Variants in SCCPDH observed in about 807,000 individuals in gnomAD.
SCCPDH encodes the protein saccharopine dehydrogenase-like oxidoreductase.
In SCCPDH, 34 loss-of-function variants were observed where a neutral mutation model predicts 51.5. That is an observed-to-expected ratio of 0.66 (90% CI 0.50 to 0.88). SCCPDH has a LOEUF of 0.88. SCCPDH is among the 40% of genes least tolerant of loss of function. The probability of loss-of-function intolerance (pLI) is 0.00; values close to 1 mark genes in which losing one functional copy is unlikely to be tolerated. For missense variants in SCCPDH, 464 were observed against 527.1 expected (o/e 0.88, Z 1.17); for synonymous variants, 187 against 191.3 (o/e 0.98, Z 0.19).
In SCCPDH at chr1:246,759,056, G is replaced by C. The variant is rs1016438781; in HGVS notation, c.718G>C (p.Glu240Gln). The C allele has an allele frequency of 6.2e-7, 1 of 1,607,384 alleles. No individual in the cohort carries two copies. Among genetic ancestry groups the C allele is most frequent in the Non-Finnish European group, 8.5e-7 (1 of 1,174,044 alleles). ...KRRWPISYCR[E>Q]LKGYSIPFMG... ...CAGGTGGCCAATTTCTTATTGTCGG[G>C]AACTCAAAGGTTATTCCATTCCTTT... Residue 240 changes from glutamate to glutamine, a missense_variant, in exon 7 of 12, where the codon GAA (glutamate) becomes CAA (glutamine). Coordinates refer to ENST00000366510, the MANE Select transcript of SCCPDH (RefSeq NM_016002.3).
chr1:246,762,276 A>C (rs1243626643), intron 9 of SCCPDH, among the ~76,000 whole-genome samples: 1 of 152,236 alleles, frequency 6.6e-6, no homozygotes, highest in Non-Finnish European at 1.5e-5. Flanking sequence ...TAATTCAAAA[A>C]TGAACAGAAG....
At chr1:246,758,025 G>C (rs1434171726) in intron 5 of SCCPDH, among the ~76,000 whole-genome samples, 6 of 152,098 alleles carry the variant, frequency 3.9e-5, no homozygotes, top group African/African-American at 1.4e-4. Context: ...GCTTCTCGGT[G>C]TAAATATTGG....
chr1:246,757,719 A>C (rs934835292), intron 5 of SCCPDH, among the ~76,000 whole-genome samples: 1 of 152,188 alleles, frequency 6.6e-6, no homozygotes, highest in African/African-American at 2.4e-5. Flanking sequence ...TTGGGGCTAG[A>C]GTAAGAGGTG....
chr1:246,731,656 A>C (rs1260947349), intron 2 of SCCPDH, among the ~76,000 whole-genome samples: 1 of 152,224 alleles, frequency 6.6e-6, no homozygotes, highest in Non-Finnish European at 1.5e-5. Context: ...TATGATACTA[A>C]GGACTTTCTG....
intron 5 of SCCPDH, among the ~76,000 whole-genome samples, chr1:246,751,939 AT>A (rs35274783): frequency 0.59 from 85,657 of 145,072 alleles, 24,856 homozygotes; most frequent in East Asian, 0.74. Flanking sequence ...CGCCCGGCTA[AT>A]TTTTTTTTTT....
chr1:246,749,716 T>C (rs778564454), intron 5 of SCCPDH, among the ~76,000 whole-genome samples: 1 of 152,244 alleles, frequency 6.6e-6, no homozygotes, highest in African/African-American at 2.4e-5. Context: ...GCAGAGAAGC[T>C]CTGCTCTAGG....
chr1:246,729,899 G>A (rs1477585153), intron 2 of SCCPDH, among the ~76,000 whole-genome samples: 3 of 152,096 alleles, frequency 2.0e-5, no homozygotes, highest in African/African-American at 7.2e-5. Context: ...TTCTGCCGTG[G>A]CTTCAGCTGG....
intron 5 of SCCPDH, chr1:246,755,791 G>C: frequency 6.5e-6 from 1 of 153,940 alleles, no homozygotes; most frequent in Non-Finnish European, 1.5e-5. Flanking sequence ...TGGAGATCCT[G>C]CTGACGGCAA....
chr1:246,755,177 G>C (rs1248250572), intron 5 of SCCPDH, among the ~76,000 whole-genome samples: 4 of 152,278 alleles, frequency 2.6e-5, no homozygotes, highest in African/African-American at 9.6e-5. Flanking sequence ...GCGTATTCAT[G>C]GATTAAAATA....
At chr1:246,733,566 C>A (rs1397651234) in intron 2 of SCCPDH, among the ~76,000 whole-genome samples, 3 of 151,860 alleles carry the variant, frequency 2.0e-5, no homozygotes, top group Non-Finnish European at 4.4e-5. Context: ...CTCAGCCTCC[C>A]AAAGTGCTGA....
At chr1:246,752,502 TA>T (rs1299460187) in intron 5 of SCCPDH, among the ~76,000 whole-genome samples, 3 of 152,236 alleles carry the variant, frequency 2.0e-5, no homozygotes, top group African/African-American at 7.2e-5. Flanking sequence ...ATACAGGGTT[TA>T]AGCAGCCCGT....
chr1:246,751,488 T>C (rs1016983562), intron 5 of SCCPDH, among the ~76,000 whole-genome samples: 1 of 152,148 alleles, frequency 6.6e-6, no homozygotes, highest in Non-Finnish European at 1.5e-5. Context: ...TCCACATTCT[T>C]ATGCCTCCTT....
intron 5 of SCCPDH, among the ~76,000 whole-genome samples, chr1:246,748,850 A>G (rs1360576887): frequency 1.3e-5 from 2 of 152,148 alleles, no homozygotes; most frequent in African/African-American, 2.4e-5. Flanking sequence ...TGCTGCTCTA[A>G]TTACTTGCAG....
chr1:246,751,545 C>T (rs1668850903), intron 5 of SCCPDH, among the ~76,000 whole-genome samples: 1 of 152,208 alleles, frequency 6.6e-6, no homozygotes, highest in Admixed American at 6.5e-5. Context: ...ACACACCTTG[C>T]ACATAAACTG....
At chr1:246,759,908 T>G in intron 7 of SCCPDH, 49 bp from the exon 8 acceptor site, 1 of 1,575,664 alleles carries the variant, frequency 6.3e-7, no homozygotes. Context: ...TCTTACTTGG[T>G]CCAAAATGTA....
intron 11 of SCCPDH, 106 bp downstream of exon 11, chr1:246,766,245 G>C: frequency 1.3e-6 from 1 of 765,320 alleles, no homozygotes. Context: ...AGCATTTATA[G>C]TTCAGTTCCT....
At chr1:246,726,069 G>C (rs979976099) in intron 1 of SCCPDH, among the ~76,000 whole-genome samples, 2 of 151,802 alleles carry the variant, frequency 1.3e-5, no homozygotes, top group African/African-American at 2.4e-5. Context: ...GTGTTAGTGA[G>C]GATGGTCTCG....
intron 5 of SCCPDH, among the ~76,000 whole-genome samples, chr1:246,746,567 G>A (rs142024812): frequency 0.011 from 1,748 of 152,260 alleles, 31 homozygotes; most frequent in African/African-American, 0.038. Context: ...GTGGCTAGGC[G>A]CAGTGGCTCA....
At chr1:246,759,568 C>T (rs573033847) in intron 7 of SCCPDH, among the ~76,000 whole-genome samples, 3 of 152,138 alleles carry the variant, frequency 2.0e-5, no homozygotes, top group Non-Finnish European at 4.4e-5. Context: ...GCCGAGACTT[C>T]AGGAGGAAAT....
Sources: allele counts gnomAD v4.1 joint callset (sites outside exome capture counted in the v4.1 genomes callset), GRCh38; gene constraint gnomAD v4.1.1; transcripts MANE v1.5; gene names NCBI Gene and HGNC (gene_info 2026-07-23, HGNC 2026-07-21).